Variants in RIDA observed in about 807,000 individuals in gnomAD.
RIDA encodes 2-iminobutanoate/2-iminopropanoate deaminase.
In RIDA, 17 loss-of-function variants were observed where a neutral mutation model predicts 17.8. That is an observed-to-expected ratio of 0.96 (90% confidence interval 0.65 to 1.43). The LOEUF is 1.43. Ranked by LOEUF, RIDA falls within the 40% of genes most tolerant of loss-of-function variation. The pLI is 0.00. For synonymous variants in RIDA, 48 were observed against 55.7 expected, an observed-to-expected ratio of 0.86 and a Z score of 0.62; for missense variants, 158 against 161.7, an observed-to-expected ratio of 0.98 and a Z score of 0.12.
chr8:98,116,660 G>T (rs1402415283), intron 1 of RIDA, among the ~76,000 whole-genome samples: 1 of 148,592 alleles, frequency 6.7e-6, no homozygotes, highest in Non-Finnish European at 1.5e-5. Context: ...CAAAACCACT[G>T]AATTGTACAT....
chr8:98,108,964 G>A (rs1586215817), intron 1 of RIDA, among the ~76,000 whole-genome samples: 1 of 152,238 alleles, frequency 6.6e-6, no homozygotes, highest in Non-Finnish European at 1.5e-5. Flanking sequence ...CTTTGGGAGG[G>A]TGAAGCAGGA....
chr8:98,114,757 C>G (rs1815778641), intron 1 of RIDA, among the ~76,000 whole-genome samples: 4 of 152,130 alleles, frequency 2.6e-5, no homozygotes, highest in Admixed American at 2.6e-4. Context: ...TCTGCAAGAT[C>G]ATATAATTAA....
Position 98,102,805 on chromosome 8 carries a change from A to C in RIDA, c.*37T>G. 1 of 1,402,816 alleles carries C rather than the reference A, an allele frequency of 7.1e-7. No individual in the cohort carries two copies. The highest frequency in any genetic ancestry group is 9.8e-7 in the Non-Finnish European group (1 of 1,021,944). 86.9% of individuals were successfully genotyped at this position (1,402,816 alleles called of 1,614,324 possible). ...TGTTACATCAATTGTAAAAATTAAA[A>C]TGTTAACAATTCCAGACTACACAGC... On this transcript the variant is annotated 3_prime_UTR_variant, in exon 6 of 6. Transcript: ENST00000254878.
chr8:98,113,249 A>G (rs1815754085), intron 1 of RIDA, among the ~76,000 whole-genome samples: 1 of 152,216 alleles, frequency 6.6e-6, no homozygotes, highest in African/African-American at 2.4e-5. Flanking sequence ...TGCTGAGCTG[A>G]TTGGCTAATT....
chr8:98,108,856 A>T (rs1815673782), intron 1 of RIDA, 105 bp from the exon 2 acceptor site: 1 of 672,384 alleles, frequency 1.5e-6, no homozygotes, highest in Non-Finnish European at 2.6e-6. Context: ...GTAAAAAAAA[A>T]AAAACAGATA....
chr8:98,108,606 G>A (rs1221178109), intron 2 of RIDA, 40 bp downstream of exon 2: 1 of 1,207,910 alleles, frequency 8.3e-7, no homozygotes, highest in Non-Finnish European at 1.2e-6. Context: ...CATTAAAAAG[G>A]TAGTAGAAAA....
chr8:98,110,489 A>G (rs563093151), intron 1 of RIDA, among the ~76,000 whole-genome samples: 65 of 152,086 alleles, frequency 4.3e-4, no homozygotes, highest in African/African-American at 1.1e-3. Flanking sequence ...TGAACTCCTG[A>G]CCTCAGGTGA....
At position 98,102,470 on chromosome 8, in the gene RIDA, G is replaced by T. The variant is rs1466901005; in HGVS notation, c.*372C>A. 1 of 157,430 alleles carries T rather than the reference G, an allele frequency of 6.4e-6. No homozygotes were observed. Among genetic ancestry groups the T allele is most frequent in the Non-Finnish European group, 1.4e-5 (1 of 71,644 alleles). The allele number at this position is 157,430 out of a possible 1,614,324, so 9.8% of individuals were successfully genotyped here. On this transcript the variant is annotated 3_prime_UTR_variant, in exon 6 of 6. Coordinates refer to ENST00000254878, the MANE Select transcript of RIDA (RefSeq NM_005836.3). ...TCAAGTAAAAGCAGAATCACATAAC[G>T]GACATCAAAACTAAATAGTTCACAT...
chr8:98,117,146 C>T lies in RIDA; in HGVS notation c.-50G>A. The T allele has an allele frequency of 6.4e-7, 1 of 1,554,992 alleles. No individual in the cohort carries two copies. Among genetic ancestry groups the T allele is most frequent in the South Asian group, 1.1e-5 (1 of 89,914 alleles). ...CCTTCAGGAGAAGAAGCCCCAGCAC[C>T]AGCCCTGCTGGCTTCTTACTGGACT... On this transcript the variant is annotated 5_prime_UTR_variant, in exon 1 of 6. Transcript: ENST00000254878.
chr8:98,110,178 G>T (rs1251396550), intron 1 of RIDA, among the ~76,000 whole-genome samples: 1 of 152,176 alleles, frequency 6.6e-6, no homozygotes, highest in Non-Finnish European at 1.5e-5. Context: ...GGGAGTGATA[G>T]AAATATTCTA....
At chr8:98,103,464 G>T (rs1202366015) in intron 5 of RIDA, among the ~76,000 whole-genome samples, 1 of 152,174 alleles carries the variant, frequency 6.6e-6, no homozygotes, top group Non-Finnish European at 1.5e-5. Context: ...TCAAAATGGT[G>T]AGAAATATGT....
intron 2 of RIDA, among the ~76,000 whole-genome samples, chr8:98,107,246 C>G (rs535762106): frequency 1.3e-5 from 2 of 152,216 alleles, no homozygotes; most frequent in East Asian, 3.9e-4. Flanking sequence ...TCAGCTAGGC[C>G]GGGTGTGGAG....
At chr8:98,103,423 G>A (rs1815587459) in intron 5 of RIDA, among the ~76,000 whole-genome samples, 1 of 152,210 alleles carries the variant, frequency 6.6e-6, no homozygotes, top group Non-Finnish European at 1.5e-5. Flanking sequence ...GGAATATTGT[G>A]CTGCTAAGCT....
At position 98,106,266 on chromosome 8, in the gene RIDA, G is replaced by A. The variant is rs1301694936; in HGVS notation, c.226+6C>T. 3.7e-6 allele frequency: 6 copies of A among 1,611,442 alleles called. No homozygotes were observed. Among genetic ancestry groups the A allele is most frequent in the Non-Finnish European group, 5.1e-6 (6 of 1,178,016 alleles). On this transcript the variant is annotated splice_donor_region_variant and intron_variant, in intron 3 of 5. Coordinates refer to ENST00000254878, the MANE Select transcript of RIDA (RefSeq NM_005836.3). Reference sequence around the variant, plus strand: ...AAGAAATGTGAAATAATATCAAATTGCTCACCGTTAGTGAAGTCACAGCCT... The same window carrying A: ...AAGAAATGTGAAATAATATCAAATTACTCACCGTTAGTGAAGTCACAGCCT...
At chr8:98,116,724 C>T (rs1418052172) in intron 1 of RIDA, among the ~76,000 whole-genome samples, 2 of 151,724 alleles carry the variant, frequency 1.3e-5, no homozygotes, top group African/African-American at 4.8e-5. Flanking sequence ...AAAGCTGTTA[C>T]CAAGAAAACA....
chr8:98,112,309 C>T (rs56389896), intron 1 of RIDA, among the ~76,000 whole-genome samples: 37,880 of 151,832 alleles, frequency 0.25, 4,945 homozygotes, highest in Non-Finnish European at 0.26. Flanking sequence ...CAGGATCCTG[C>T]CTCGTGTTGT....
chr8:98,116,952 T>TC, intron 1 of RIDA, 80 bp downstream of exon 1: 1 of 1,148,724 alleles, frequency 8.7e-7, no homozygotes, highest in Non-Finnish European at 1.3e-6. Flanking sequence ...TAGCTGGGGC[T>TC]CCGGCCCGGA....
intron 1 of RIDA, among the ~76,000 whole-genome samples, chr8:98,116,753 A>G (rs1309966750): frequency 6.6e-6 from 1 of 152,224 alleles, no homozygotes; most frequent in Non-Finnish European, 1.5e-5. Flanking sequence ...CCCCTCCCCC[A>G]AAACAAAACA....
intron 5 of RIDA, among the ~76,000 whole-genome samples, chr8:98,103,774 C>G (rs2130547848): frequency 6.6e-6 from 1 of 151,974 alleles, no homozygotes; most frequent in South Asian, 2.1e-4. Context: ...GTAGCTGGGA[C>G]TACAGGCGTC....
Sources: allele counts gnomAD v4.1 joint callset (sites outside exome capture counted in the v4.1 genomes callset), GRCh38; gene constraint gnomAD v4.1.1; transcripts MANE v1.5; gene names NCBI Gene and HGNC (gene_info 2026-07-23, HGNC 2026-07-21).